Variants in LLGL2 observed in about 807,000 individuals in gnomAD.
LLGL2 encodes the protein LLGL scribble cell polarity complex component 2.
LLGL2 carries 81 observed loss-of-function variants against 123.2 expected under a neutral mutation model. The observed-to-expected ratio is 0.66, with a 90% CI of 0.55 to 0.79. LLGL2 has a LOEUF of 0.79. Ranked by LOEUF, LLGL2 falls within the 30% of genes least tolerant of loss-of-function variation. The pLI is 0.00. For missense variants in LLGL2, 1,273 were observed against 1,414.6 expected (o/e 0.90, Z 1.61); for synonymous variants, 577 against 594.1 (o/e 0.97, Z 0.42).
rs1281347326 is a variant in LLGL2, at chr17:75,559,829, C to T, written c.530+419C>T. Among the ~76,000 whole-genome samples, 2 of 152,174 alleles carry T rather than the reference C, an allele frequency of 1.3e-5. No homozygotes were observed. The highest frequency in any genetic ancestry group is 2.4e-5 in the African/African-American group (1 of 41,434). On this transcript the variant is annotated intron_variant, in intron 6 of 25. Coordinates refer to ENST00000392550, the MANE Select transcript of LLGL2 (RefSeq NM_001031803.2). This position sits in a 1 kb window ranked among gnomAD's most constrained non-coding sequence, Gnocchi z 4.6. ...TGAGGTTCCATTTGCTCGCAAGCTC[C>T]GTGGCTAAAAAGCCTTGACCGCCAC... is the stretch of plus-strand genomic sequence containing the variant.
chr17:75,535,019 C>T (rs2053947489), intron 1 of LLGL2, among the ~76,000 whole-genome samples: 1 of 152,216 alleles, frequency 6.6e-6, no homozygotes, highest in Non-Finnish European at 1.5e-5. Context: ...TGCCTTTCAG[C>T]CAAGGTTTGG....
At chr17:75,571,145 C>A in intron 17 of LLGL2, 45 bp downstream of exon 17, 1 of 1,540,704 alleles carries the variant, frequency 6.5e-7, no homozygotes, top group Non-Finnish European at 8.9e-7. Context: ...TAGTGGGCAG[C>A]AGACACCCCC....
intron 1 of LLGL2, among the ~76,000 whole-genome samples, chr17:75,535,110 G>C (rs2053950305): frequency 6.6e-6 from 1 of 152,222 alleles, no homozygotes; most frequent in African/African-American, 2.4e-5. Flanking sequence ...CTTGCAAAGC[G>C]GCTACAGGCG....
chr17:75,555,962 G>A (rs937659756), intron 2 of LLGL2, 84 bp from the exon 3 acceptor site: 1 of 1,047,532 alleles, frequency 9.5e-7, no homozygotes, highest in African/African-American at 1.5e-5. Flanking sequence ...TTCCTGCTGG[G>A]TCGTCTGGTG....
At chr17:75,530,556 A>G (rs1324108110) in intron 1 of LLGL2, among the ~76,000 whole-genome samples, 1 of 151,504 alleles carries the variant, frequency 6.6e-6, no homozygotes, top group Non-Finnish European at 1.5e-5. Flanking sequence ...AGGCTGAGGC[A>G]GGAGAATGGT....
In LLGL2 at chr17:75,558,430, C is replaced by A; in HGVS notation, c.256-82C>A. Reference sequence around the variant, plus strand: ...GGGAGTGGCCAGGGGGTCTTTTAAACAACTGGGGCTGCGTGGCCCCAGTGT... The same window carrying A: ...GGGAGTGGCCAGGGGGTCTTTTAAAAAACTGGGGCTGCGTGGCCCCAGTGT... On this transcript the variant is annotated intron_variant, in intron 4 of 25. Transcript: ENST00000392550. This position sits in a 1 kb window ranked among gnomAD's most constrained non-coding sequence, Gnocchi z 4.0. 7.7e-7 allele frequency: 1 copy of A among 1,294,662 alleles called. No homozygotes were observed. Among genetic ancestry groups the A allele is most frequent in the Non-Finnish European group, 1.1e-6 (1 of 932,012 alleles). 80.2% of individuals were successfully genotyped at this position (1,294,662 alleles called of 1,614,324 possible). A position where few individuals can be genotyped will look rare whatever the true frequency, so the allele number is the denominator to read the frequency against.
intron 25 of LLGL2, 92 bp from the exon 26 acceptor site, chr17:75,574,779 C>T: frequency 6.3e-7 from 1 of 1,592,716 alleles, no homozygotes; most frequent in Non-Finnish European, 8.6e-7. Flanking sequence ...GCCCTGATGA[C>T]CAGGAAAGCA....
intron 6 of LLGL2, among the ~76,000 whole-genome samples, chr17:75,560,777 C>G (rs938958563): frequency 4.4e-5 from 6 of 135,806 alleles, no homozygotes; most frequent in Non-Finnish European, 9.2e-5. Context: ...TGAGCCACAG[C>G]GCCTGGCCCA....
intron 19 of LLGL2, among the ~76,000 whole-genome samples, chr17:75,572,266 G>A (rs1296947264): frequency 6.6e-6 from 1 of 152,166 alleles, no homozygotes; most frequent in African/African-American, 2.4e-5. Context: ...GGTGACTCAT[G>A]CCTGTAATGC....
At chr17:75,527,140 G>T (rs1054006411) in intron 1 of LLGL2, among the ~76,000 whole-genome samples, 1 of 145,382 alleles carries the variant, frequency 6.9e-6, no homozygotes, top group East Asian at 2.0e-4. Flanking sequence ...CCACACTCCA[G>T]CCTGGGGACA....
At position 75,573,210 on chromosome 17, in the gene LLGL2, G is replaced by C; in HGVS notation, c.2657G>C (p.Arg886Pro). 6.2e-7 allele frequency: 1 copy of C among 1,612,060 alleles called. No individual in the cohort carries two copies. The highest frequency in any genetic ancestry group is 8.5e-7 in the Non-Finnish European group (1 of 1,179,162). Residue 886 changes from arginine (R) to proline (P), a missense_variant, in exon 20 of 26, where the codon CGC becomes CCC. Coordinates refer to ENST00000392550, the MANE Select transcript of LLGL2 (RefSeq NM_001031803.2). Reference sequence around the variant, plus strand: ...CTGCCCCTGCTCAAGCCCCAGGTGCGCTACAGCTGCATCCGCCGGGAGGAC... The same window carrying C: ...CTGCCCCTGCTCAAGCCCCAGGTGCCCTACAGCTGCATCCGCCGGGAGGAC... ...VSLPLLKPQV[R>P]YSCIRREDVS... is the part of the protein sequence containing the mutation.
rs755348646 is a variant in LLGL2, at chr17:75,570,128, G to T, written c.1747G>T (p.Val583Leu). 30 of 1,598,770 alleles carry T rather than the reference G, an allele frequency of 1.9e-5. No individual in the cohort carries two copies. Among genetic ancestry groups the T allele is most frequent in the Non-Finnish European group, 2.6e-5 (30 of 1,173,236 alleles). ...GCCTGGCTTTCAGCCCTTCGTGTTG[G>T]TGCAGTGTCAGCCCCCGGCTGTGGT... is the stretch of plus-strand genomic sequence containing the variant. ...FEPGFQPFVLVQCQPPAVVTS... is the reference protein window; with the variant it reads ...FEPGFQPFVLLQCQPPAVVTS... The change falls in exon 15 of 26, where the codon GTG becomes TTG. Residue 583 changes from valine to leucine, a missense_variant. Physicochemically the swap from Val to Leu is conservative, Grantham distance 32. Transcript: ENST00000392550.
At position 75,573,108 on chromosome 17, in the gene LLGL2, G is replaced by A. The variant is rs775434892; in HGVS notation, c.2555G>A (p.Gly852Asp). The A allele has an allele frequency of 1.2e-6, 2 of 1,612,882 alleles. No homozygotes were observed. The change falls in exon 20 of 26, where the codon GGC (glycine) becomes GAC (aspartate). Residue 852 changes from glycine to aspartate, a missense_variant. Transcript: ENST00000392550. The stretch of plus-strand genomic sequence containing the variant: ...CGGCGGGTCAGCGTGGCCCACTTCG[G>A]CAGTCGTCGAGCCGAGGACTACGGG... ...RVRRVSVAHFGSRRAEDYGEH... is the reference protein window; with the variant it reads ...RVRRVSVAHFDSRRAEDYGEH...
intron 6 of LLGL2, among the ~76,000 whole-genome samples, chr17:75,561,648 C>T (rs866250688): frequency 4.6e-5 from 7 of 151,768 alleles, no homozygotes; most frequent in Admixed American, 1.3e-4. Flanking sequence ...AGGCCGGGCG[C>T]GGTGGCTCAC....
chr17:75,550,081 G>C (rs751457037), intron 2 of LLGL2, among the ~76,000 whole-genome samples: 73 of 152,328 alleles, frequency 4.8e-4, no homozygotes, highest in Non-Finnish European at 8.8e-4. Flanking sequence ...AGGCCCCAGT[G>C]GCTGCCAGGC....
At position 75,570,965 on chromosome 17, in the gene LLGL2, G is replaced by A. The variant is rs149100966; in HGVS notation, c.2041G>A (p.Ala681Thr). The A allele has an allele frequency of 7.5e-4, 1,212 of 1,610,944 alleles. 4 individuals carry two copies. Among genetic ancestry groups the A allele is most frequent in the Non-Finnish European group, 8.4e-4 (989 of 1,178,768 alleles). Residue 681 changes from alanine (A) to threonine (T), a missense_variant, in exon 17 of 26, where the codon GCC (alanine) becomes ACC (threonine). Physicochemically the swap from Ala to Thr is moderately conservative, Grantham distance 58 (BLOSUM62 0). Transcript: ENST00000392550. ...GPPGEAQEGS[A>T]KAERPGLQNM... ...CCCCTTGCAGGCACAGGAGGGGAGT[G>A]CCAAGGCTGAGCGGCCAGGCCTCCA...
intron 1 of LLGL2, among the ~76,000 whole-genome samples, chr17:75,538,902 T>A (rs927972818): frequency 6.8e-6 from 1 of 147,844 alleles, no homozygotes; most frequent in Non-Finnish European, 1.5e-5. Context: ...TTCTTTTTCT[T>A]TTTTTTAGAA....
chr17:75,564,644 C>G lies in LLGL2; in HGVS notation c.1036+137C>G. The G allele has an allele frequency of 7.0e-7, 1 of 1,430,222 alleles. No individual in the cohort carries two copies. Among genetic ancestry groups the G allele is most frequent in the Non-Finnish European group, 9.4e-7 (1 of 1,065,012 alleles). The allele number at this position is 1,430,222 out of a possible 1,614,324, so 88.6% of individuals were successfully genotyped here. On this transcript the variant is annotated intron_variant, in intron 10 of 25. Coordinates refer to ENST00000392550, the MANE Select transcript of LLGL2 (RefSeq NM_001031803.2). The surrounding 1 kb of genome is among the most constrained non-coding windows in gnomAD (Gnocchi z 4.9). ...GTGGGAGGCCAAGGTGGTAGGATCG[C>G]TTGAACCCAGGAGTTCAAGTCCAGC...
intron 3 of LLGL2, among the ~76,000 whole-genome samples, chr17:75,556,681 T>C (rs992005858): frequency 6.6e-6 from 1 of 152,212 alleles, no homozygotes; most frequent in Non-Finnish European, 1.5e-5. Context: ...TCTGTGCCCC[T>C]GCCTCCCTCA....
Sources: allele counts gnomAD v4.1 joint callset (sites outside exome capture counted in the v4.1 genomes callset), GRCh38; gene constraint gnomAD v4.1.1; non-coding constraint Gnocchi (gnomAD v3.1); transcripts MANE v1.5; gene names NCBI Gene and HGNC (gene_info 2026-07-23, HGNC 2026-07-21).